TBCK: variants seen among roughly 807,000 people sequenced by gnomAD.
TBCK encodes the protein TBC1 domain containing kinase.
In TBCK, 99 loss-of-function variants were observed where a neutral mutation model predicts 113.4. The observed-to-expected ratio is 0.87, with a 90% CI of 0.74 to 1.03. The LOEUF (loss-of-function observed/expected upper bound fraction) is 1.03, where lower values mean the gene tolerates loss of function less well. Ranked by LOEUF, TBCK falls within the 50% of genes least tolerant of loss-of-function variation. The pLI is 0.00. For missense variants in TBCK, 1,045 were observed against 1,061.3 expected, an observed-to-expected ratio of 0.98 and a Z score of 0.21; for synonymous variants, 369 against 370.8, an observed-to-expected ratio of 1.00 and a Z score of 0.05.
At chr4:106,136,180 A>G (rs1267453751) in intron 23 of TBCK, among the ~76,000 whole-genome samples, 1 of 134,970 alleles carries the variant, frequency 7.4e-6, no homozygotes, top group Non-Finnish European at 1.7e-5. Flanking sequence ...CTTTTCTGTT[A>G]TTTTTCCTTG....
intron 1 of TBCK, among the ~76,000 whole-genome samples, chr4:106,312,311 G>C (rs1277453784): frequency 6.6e-6 from 1 of 152,030 alleles, no homozygotes; most frequent in Admixed American, 6.5e-5. Context: ...ATAGGTAAAA[G>C]TCACAAACAT....
At chr4:106,107,839 A>G (rs993463925) in intron 24 of TBCK, among the ~76,000 whole-genome samples, 4 of 152,314 alleles carry the variant, frequency 2.6e-5, no homozygotes, top group African/African-American at 9.6e-5. Flanking sequence ...AGAGCAATAA[A>G]TTCAGGAGTT....
At chr4:106,171,069 T>A in intron 23 of TBCK, 26 bp downstream of exon 23, 1 of 1,552,508 alleles carries the variant, frequency 6.4e-7, no homozygotes, top group Non-Finnish European at 8.7e-7. Flanking sequence ...TTTTAGAGTT[T>A]GTAAACTAAA....
Position 106,170,852 on chromosome 4 carries a change from A to C in TBCK, c.2235+243T>G, listed in dbSNP as rs150015766. Reference sequence around the variant, plus strand: ...ATTGATATATAAACAGATACTACAAATGCATACAAAAAAAGCAAAACTTGC... The same window carrying C: ...ATTGATATATAAACAGATACTACAACTGCATACAAAAAAAGCAAAACTTGC... On this transcript the variant is annotated intron_variant, in intron 23 of 25. Transcript: ENST00000394708. Among the ~76,000 whole-genome samples, 236 of 152,224 alleles carry C rather than the reference A, an allele frequency of 1.6e-3. 1 individual carries two copies. Among genetic ancestry groups the C allele is most frequent in the East Asian group, 4.6e-3 (24 of 5,166 alleles).
intron 23 of TBCK, among the ~76,000 whole-genome samples, chr4:106,161,756 G>C (rs1296942600): frequency 6.6e-6 from 1 of 151,692 alleles, no homozygotes; most frequent in East Asian, 1.9e-4. Context: ...AGACTTTCAA[G>C]ACATATTGCT....
intron 20 of TBCK, 56 bp from the exon 21 acceptor site, chr4:106,194,810 T>C (rs1488881290): frequency 1.4e-6 from 2 of 1,386,372 alleles, no homozygotes; most frequent in African/African-American, 3.0e-5. Context: ...AAAAAGATAA[T>C]TAGAATGATT....
chr4:106,252,667 C>T (rs1034102737), intron 5 of TBCK, among the ~76,000 whole-genome samples: 2 of 152,036 alleles, frequency 1.3e-5, no homozygotes, highest in African/African-American at 4.8e-5. Flanking sequence ...GAAACAAAAA[C>T]ATTTTGGAAC....
intron 19 of TBCK, among the ~76,000 whole-genome samples, chr4:106,222,935 T>A (rs1757860919): frequency 6.6e-6 from 1 of 152,046 alleles, no homozygotes; most frequent in African/African-American, 2.4e-5. Context: ...TGTGAACCAC[T>A]TTCTTTCCTT....
At chr4:106,107,889 A>T (rs1452948811) in intron 24 of TBCK, among the ~76,000 whole-genome samples, 1 of 152,158 alleles carries the variant, frequency 6.6e-6, no homozygotes. Context: ...CACTAGCTAG[A>T]CTAAGAAGAA....
At chr4:106,056,827 A>G (rs1431119911) in intron 25 of TBCK, among the ~76,000 whole-genome samples, 1 of 151,760 alleles carries the variant, frequency 6.6e-6, no homozygotes, top group Non-Finnish European at 1.5e-5. Context: ...TACCATAGTA[A>G]AGACAATGTG....
rs569715343 is a variant in TBCK, at chr4:106,145,882, A to G, written c.2235+25213T>C. Among the ~76,000 whole-genome samples the G allele has an allele frequency of 2.0e-5, 3 of 152,300 alleles. No individual in the cohort carries two copies. The East Asian group carries it at 5.8e-4, about 29-fold the overall frequency. On this transcript the variant is annotated intron_variant, in intron 23 of 25. Transcript: ENST00000394708. ...CACCAGTCAGAATGGCGATTACTAA[A>G]AAGTCAAAAAAACAGATGCTGGCAA...
At chr4:106,189,611 C>A (rs72891622) in intron 22 of TBCK, among the ~76,000 whole-genome samples, 4,088 of 152,078 alleles carry the variant, frequency 0.027, 174 homozygotes, top group African/African-American at 0.094. Flanking sequence ...GAATCCTTTG[C>A]TTCACTCATG....
intron 22 of TBCK, 23 bp from the exon 23 acceptor site, chr4:106,171,293 A>T (rs777484795): frequency 3.8e-6 from 6 of 1,581,154 alleles, no homozygotes; most frequent in Non-Finnish European, 4.3e-6. Context: ...GTTTTAAAAA[A>T]GCAAATGTAT....
chr4:106,083,958 C>T (rs892586642), intron 25 of TBCK, among the ~76,000 whole-genome samples: 6 of 152,172 alleles, frequency 3.9e-5, no homozygotes, highest in African/African-American at 1.4e-4. Context: ...AAGACCAAAA[C>T]TAGACAAACT....
chr4:106,242,506 AT>A lies in TBCK; in HGVS notation c.1133del (p.Asp378ValfsTer4). The A allele has an allele frequency of 6.2e-7, 1 of 1,608,836 alleles. No homozygotes were observed. The highest frequency in any genetic ancestry group is 1.3e-5 in the African/African-American group (1 of 74,844). ...GGCATAACGACAATGTCACAGTGGT[AT>A]CATCTAAAAGCGAGCTTCTATCTCG... ...QGRDRSSLLD[D>X]TTVTLSLCQL... is the part of the protein sequence containing the mutation. On this transcript the variant is annotated frameshift_variant, in exon 12 of 26. Transcript: ENST00000394708. LOFTEE classifies it high-confidence loss of function.
intron 23 of TBCK, among the ~76,000 whole-genome samples, chr4:106,118,596 C>T (rs1414602831): frequency 2.0e-5 from 3 of 152,166 alleles, no homozygotes; most frequent in Non-Finnish European, 4.4e-5. Context: ...TTCCAGCCTT[C>T]ACATGAAGTC....
rs771832335 is a variant in TBCK, at chr4:106,233,654, C to CA, written c.1450-5dup. The CA allele has an allele frequency of 2.5e-6, 4 of 1,599,854 alleles. No individual in the cohort carries two copies. The highest frequency in any genetic ancestry group is 1.7e-5 in the Admixed American group (1 of 59,376). On this transcript the variant is annotated splice_region_variant and splice_polypyrimidine_tract_variant and intron_variant, in intron 15 of 25. Coordinates refer to ENST00000394708, the MANE Select transcript of TBCK (RefSeq NM_001163435.3). ...CGTACTTGGCATGAATAGCTCCCTG[C>CA]AAAAAATAAAAGAAGATATATTAAT... is the stretch of plus-strand genomic sequence containing the variant.
chr4:106,171,000 A>T, intron 23 of TBCK, 95 bp downstream of exon 23: 1 of 924,330 alleles, frequency 1.1e-6, no homozygotes, highest in East Asian at 2.8e-5. Context: ...AAAGGACATA[A>T]ATGACACCAT....
At chr4:106,233,216 T>A (rs1759064151) in intron 16 of TBCK, 152 bp from the exon 17 acceptor site, 2 of 720,108 alleles carry the variant, frequency 2.8e-6, no homozygotes, top group Non-Finnish European at 4.4e-6. Flanking sequence ...TTGAATTTTT[T>A]AATTGATCTT....
Sources: gnomAD v4.1 joint callset for allele counts (sites outside exome capture counted in the v4.1 genomes callset) on GRCh38, gnomAD v4.1.1 for gene constraint, MANE v1.5 for transcripts, NCBI Gene and HGNC (gene_info 2026-07-23, HGNC 2026-07-21) for gene names.